PVT1: variants seen among roughly 807,000 people sequenced by gnomAD.
The protein encoded by PVT1 is CXCR4/PVT1 fusion.
At chr8:127,996,791 G>A (rs1817108801) in intron 4 of PVT1, 1 of 152,230 alleles carries the variant, frequency 6.6e-6, no homozygotes, top group Non-Finnish European at 1.5e-5. Flanking sequence ...GGGGGTGTGA[G>A]GGTTAGTGGT....
At chr8:128,049,137 G>C in intron 4 of PVT1, 1 of 525,090 alleles carries the variant, frequency 1.9e-6, no homozygotes, top group Non-Finnish European at 3.9e-6. Flanking sequence ...TTTCCTGGCC[G>C]CCAGGCCTCC....
At chr8:127,813,764 C>G (rs1814627304) in intron 2 of PVT1, among the ~76,000 whole-genome samples, 1 of 152,280 alleles carries the variant, frequency 6.6e-6, no homozygotes, top group East Asian at 1.9e-4. Flanking sequence ...CATGGTCACC[C>G]TCAAACCAAA....
intron 4 of PVT1, among the ~76,000 whole-genome samples, chr8:128,064,317 T>C (rs886767362): frequency 7.2e-5 from 11 of 152,222 alleles, no homozygotes; most frequent in African/African-American, 2.7e-4. Flanking sequence ...ATGTATTTAC[T>C]CTGGTGGAAC....
At chr8:127,932,386 A>T (rs1032890957) in intron 3 of PVT1, 2 of 398,450 alleles carry the variant, frequency 5.0e-6, no homozygotes, top group African/African-American at 2.1e-5. Context: ...TCTGAGATGG[A>T]TTACCCCAAG....
At chr8:127,879,254 C>T (rs760205533) in intron 2 of PVT1, among the ~76,000 whole-genome samples, 21 of 152,232 alleles carry the variant, frequency 1.4e-4, no homozygotes, top group Non-Finnish European at 2.9e-4. Context: ...CAGGGCTGGG[C>T]GTGGTGGCTC....
intron 4 of PVT1, among the ~76,000 whole-genome samples, chr8:128,059,308 A>G (rs796453795): frequency 3.3e-5 from 5 of 152,232 alleles, no homozygotes; most frequent in East Asian, 3.9e-4. Context: ...CCCAGGCTCA[A>G]TGGCTGGGCA....
chr8:127,907,555 G>A (rs899405467), intron 3 of PVT1, among the ~76,000 whole-genome samples: 4 of 152,208 alleles, frequency 2.6e-5, no homozygotes, highest in African/African-American at 9.7e-5. Flanking sequence ...GGGCTGGCTG[G>A]GGTGCATGCT....
At chr8:128,036,242 C>A (rs1278654652) in intron 4 of PVT1, among the ~76,000 whole-genome samples, 1 of 152,204 alleles carries the variant, frequency 6.6e-6, no homozygotes, top group Non-Finnish European at 1.5e-5. Context: ...GATGTAACAT[C>A]ATGATGTAAA....
intron 3 of PVT1, among the ~76,000 whole-genome samples, chr8:127,974,561 C>T (rs973579951): frequency 2.0e-5 from 3 of 150,836 alleles, no homozygotes; most frequent in African/African-American, 5.0e-5. Flanking sequence ...ACTACAGGTG[C>T]GCACTGCTAC....
intron 5 of PVT1, among the ~76,000 whole-genome samples, chr8:128,081,875 C>T (rs1814185612): frequency 6.6e-6 from 1 of 152,154 alleles, no homozygotes. Context: ...GATCCGTAGA[C>T]CTGTATTTTG....
intron 3 of PVT1, among the ~76,000 whole-genome samples, chr8:127,945,101 G>A (rs1473148905): frequency 6.6e-6 from 1 of 152,156 alleles, no homozygotes; most frequent in Non-Finnish European, 1.5e-5. Flanking sequence ...TGGATCAGAG[G>A]AGAATGAACA....
chr8:128,092,502 C>T (rs1002201207), intron 5 of PVT1, among the ~76,000 whole-genome samples: 62 of 152,340 alleles, frequency 4.1e-4, no homozygotes, highest in African/African-American at 1.4e-3. Flanking sequence ...TGTTCACTCC[C>T]TTCTCAGGCT....
intron 4 of PVT1, among the ~76,000 whole-genome samples, chr8:128,054,817 C>T (rs1813744782): frequency 6.6e-6 from 1 of 152,232 alleles, no homozygotes; most frequent in Non-Finnish European, 1.5e-5. Flanking sequence ...CATCTGTCAC[C>T]TTGGGTAGTT....
intron 3 of PVT1, among the ~76,000 whole-genome samples, chr8:127,960,324 A>G (rs908890078): frequency 1.3e-5 from 2 of 152,176 alleles, no homozygotes; most frequent in Non-Finnish European, 2.9e-5. Flanking sequence ...CTCAGGTCAC[A>G]GAGTGGCTCT....
chr8:127,938,261 C>G (rs1046376345), intron 3 of PVT1, among the ~76,000 whole-genome samples: 5 of 152,208 alleles, frequency 3.3e-5, no homozygotes, highest in Non-Finnish European at 7.3e-5. Flanking sequence ...GATTGACAAT[C>G]TCAGCACTTT....
intron 4 of PVT1, among the ~76,000 whole-genome samples, chr8:128,003,385 G>C (rs1442760068): frequency 7.3e-6 from 1 of 137,096 alleles, no homozygotes; most frequent in Non-Finnish European, 1.5e-5. Context: ...TCTCTTTGTT[G>C]TCCAGGCTGG....
At chr8:128,028,757 A>G (rs76161972) in intron 4 of PVT1, among the ~76,000 whole-genome samples, 6,012 of 152,330 alleles carry the variant, frequency 0.039, 171 homozygotes, top group South Asian at 0.072. Context: ...GTGGGGGATC[A>G]TCATTCTAGT....
At chr8:127,838,025 A>G (rs7825167) in intron 2 of PVT1, among the ~76,000 whole-genome samples, 103,691 of 151,388 alleles carry the variant, frequency 0.68, 36,698 homozygotes, top group African/African-American at 0.86. Context: ...AGCCTCCTGA[A>G]TAGCTGGGAT....
chr8:128,032,907 C>T (rs569594741), intron 4 of PVT1, among the ~76,000 whole-genome samples: 17 of 152,240 alleles, frequency 1.1e-4, no homozygotes, highest in Non-Finnish European at 2.5e-4. Context: ...TTTGCTAGCA[C>T]TCCATTGGCT....
Sources: gnomAD v4.1 joint callset for allele counts (sites outside exome capture counted in the v4.1 genomes callset) on GRCh38, gnomAD v4.1.1 for gene constraint, MANE v1.5 for transcripts, NCBI Gene and HGNC (gene_info 2026-07-23, HGNC 2026-07-21) for gene names.